The following IFT74 variants were observed in gnomAD, a reference collection of about 807,000 sequenced individuals.
IFT74 encodes the protein intraflagellar transport protein 74 homolog.
Under a neutral mutation model 96.7 loss-of-function variants are expected in IFT74, and 92 were observed. The ratio of observed to expected loss-of-function variants is 0.95; its 90% CI spans 0.80 to 1.13. The LOEUF (loss-of-function observed/expected upper bound fraction) is 1.13. Among genes scored for constraint, IFT74 ranks in the 50% most tolerant of loss-of-function variants. IFT74 has a pLI of 0.00. For synonymous variants in IFT74, 223 were observed against 213.2 expected, an observed-to-expected ratio of 1.05 and a Z score of -0.40; for missense variants, 811 against 698.2, an observed-to-expected ratio of 1.16 and a Z score of -1.82.
At chr9:26,983,275 G>A (rs115137147) in intron 4 of IFT74, among the ~76,000 whole-genome samples, 4,675 of 152,234 alleles carry the variant, frequency 0.031, 91 homozygotes, top group Middle Eastern at 0.054. Flanking sequence ...ATCAAAAGAA[G>A]GAAAGGAAAT....
chr9:27,008,640 G>A (rs1381985018), intron 8 of IFT74, among the ~76,000 whole-genome samples: 10 of 152,068 alleles, frequency 6.6e-5, no homozygotes, highest in East Asian at 1.9e-4. Context: ...GATTACAGAC[G>A]TGAGCCACCG....
intron 10 of IFT74, among the ~76,000 whole-genome samples, chr9:27,013,509 T>C (rs1563975075): frequency 6.6e-6 from 1 of 152,214 alleles, no homozygotes; most frequent in Non-Finnish European, 1.5e-5. Context: ...TGTTCCAACT[T>C]TTACTTCTAG....
chr9:27,063,031 TGGCAA>T lies in IFT74; in HGVS notation c.*296_*300del. 11 of 264,924 alleles carry T rather than the reference TGGCAA, an allele frequency of 4.2e-5. 1 individual carries two copies. In the South Asian group the frequency reaches 6.5e-4, roughly 16 times the overall value. The allele number at this position is 264,924 out of a possible 1,614,324, so 16.4% of individuals were successfully genotyped here. ...TTATTTAGCTGGTATAATCCATCTA[TGGCAA>T]CAAATGAGATAAGCTTTTCTTGTAT... On this transcript the variant is annotated 3_prime_UTR_variant, in exon 20 of 20. Transcript: ENST00000380062.
At chr9:26,997,977 C>G in intron 8 of IFT74, 1 of 1,613,848 alleles carries the variant, frequency 6.2e-7, no homozygotes, top group Middle Eastern at 1.7e-4. Flanking sequence ...CCTAAAAATG[C>G]ACCCTGTTGA....
At chr9:26,976,117 G>C (rs988856406) in intron 2 of IFT74, among the ~76,000 whole-genome samples, 1 of 152,150 alleles carries the variant, frequency 6.6e-6, no homozygotes, top group Non-Finnish European at 1.5e-5. Flanking sequence ...TTTCCCCATT[G>C]CTGAGAGCTT....
At chr9:26,996,793 G>A (rs560024962) in intron 8 of IFT74, among the ~76,000 whole-genome samples, 1 of 152,238 alleles carries the variant, frequency 6.6e-6, no homozygotes, top group African/African-American at 2.4e-5. Flanking sequence ...GCACAGTATG[G>A]TTTGCAGTTA....
intron 8 of IFT74, chr9:26,994,221 G>A (rs991748275): frequency 1.3e-5 from 2 of 152,118 alleles, no homozygotes; most frequent in Non-Finnish European, 2.9e-5. Flanking sequence ...GTTTAGCTTA[G>A]TAAAGTTTTA....
At chr9:27,014,253 G>A (rs1384302390) in intron 10 of IFT74, among the ~76,000 whole-genome samples, 1 of 152,040 alleles carries the variant, frequency 6.6e-6, no homozygotes, top group Admixed American at 6.6e-5. Context: ...TCTGTGTCTG[G>A]TTGTCCATCT....
chr9:27,002,550 A>T (rs954378346), intron 8 of IFT74, among the ~76,000 whole-genome samples: 2 of 152,104 alleles, frequency 1.3e-5, no homozygotes, highest in African/African-American at 4.8e-5. Context: ...AACAACTATT[A>T]TTTCTCCATT....
intron 19 of IFT74, 43 bp downstream of exon 19, chr9:27,060,694 C>G: frequency 6.9e-7 from 1 of 1,456,972 alleles, no homozygotes; most frequent in Non-Finnish European, 9.5e-7. Flanking sequence ...TGCGGTGGCT[C>G]ATGCCTATAG....
At chr9:26,951,639 C>T (rs983246517), upstream of IFT74, among the ~76,000 whole-genome samples, 8 of 152,222 alleles carry the variant, frequency 5.3e-5, no homozygotes, top group African/African-American at 1.9e-4. Flanking sequence ...TGGCTCACGC[C>T]TGTAATACTA....
intron 16 of IFT74, among the ~76,000 whole-genome samples, chr9:27,048,863 G>T (rs1564002017): frequency 6.6e-6 from 1 of 152,194 alleles, no homozygotes; most frequent in South Asian, 2.1e-4. Flanking sequence ...AGTTGTGGGA[G>T]GTACATACAG....
chr9:27,036,426 T>C (rs1380870088), intron 13 of IFT74: 1 of 1,611,936 alleles, frequency 6.2e-7, no homozygotes, highest in South Asian at 1.1e-5. Flanking sequence ...CAATTCTTTG[T>C]ACCCACGGGT....
At chr9:26,969,307 T>A (rs1294075865) in intron 2 of IFT74, among the ~76,000 whole-genome samples, 1 of 152,094 alleles carries the variant, frequency 6.6e-6, no homozygotes, top group African/African-American at 2.4e-5. Flanking sequence ...GCTTAATTGA[T>A]TCCTTTATTA....
At chr9:26,951,634 C>T (rs913321777), upstream of IFT74, among the ~76,000 whole-genome samples, 2 of 152,162 alleles carry the variant, frequency 1.3e-5, no homozygotes, top group Non-Finnish European at 2.9e-5. Flanking sequence ...CGCAATGGCT[C>T]ACGCCTGTAA....
chr9:27,003,977 T>C (rs1828642949), intron 8 of IFT74, among the ~76,000 whole-genome samples: 1 of 152,210 alleles, frequency 6.6e-6, no homozygotes, highest in African/African-American at 2.4e-5. Context: ...CTGATGTCTC[T>C]AGTAGGCTGC....
chr9:26,977,634 G>A (rs961271539), intron 2 of IFT74, among the ~76,000 whole-genome samples: 3 of 152,020 alleles, frequency 2.0e-5, no homozygotes, highest in Non-Finnish European at 2.9e-5. Flanking sequence ...GATTACAGAC[G>A]TGTGCCACCA....
chr9:27,010,281 G>C (rs970914582), intron 9 of IFT74, among the ~76,000 whole-genome samples: 1 of 151,964 alleles, frequency 6.6e-6, no homozygotes, highest in South Asian at 2.1e-4. Context: ...GAGCCACCGC[G>C]CCCGGCCTTA....
intron 13 of IFT74, among the ~76,000 whole-genome samples, chr9:27,032,197 A>G (rs1246606890): frequency 1.3e-5 from 2 of 152,204 alleles, no homozygotes; most frequent in African/African-American, 2.4e-5. Context: ...TTAGATTTCA[A>G]CTTTCTCAAG....
Sources: allele counts gnomAD v4.1 joint callset (sites outside exome capture counted in the v4.1 genomes callset), GRCh38; gene constraint gnomAD v4.1.1; transcripts MANE v1.5; gene names NCBI Gene and HGNC (gene_info 2026-07-23, HGNC 2026-07-21).